RHEB: variants seen among roughly 807,000 people sequenced by gnomAD.
The protein encoded by RHEB is GTP-binding protein Rheb.
RHEB carries 2 observed loss-of-function variants against 28.8 expected under a neutral mutation model. That is an observed-to-expected ratio of 0.07 (90% CI 0.03 to 0.22). RHEB has a LOEUF of 0.22. Ranked by LOEUF, RHEB falls within the 10% of genes least tolerant of loss-of-function variation. RHEB has a pLI of 1.00. For synonymous variants in RHEB, 69 were observed against 77.3 expected, an observed-to-expected ratio of 0.89 and a Z score of 0.56; for missense variants, 76 against 219.9, an observed-to-expected ratio of 0.35 and a Z score of 4.14.
At chr7:151,469,393 T>C (rs1448421367) in intron 7 of RHEB, among the ~76,000 whole-genome samples, 1 of 152,178 alleles carries the variant, frequency 6.6e-6, no homozygotes, top group Non-Finnish European at 1.5e-5. Flanking sequence ...TTCAGCTGGA[T>C]GGATCCAGAG....
intron 4 of RHEB, among the ~76,000 whole-genome samples, chr7:151,475,304 T>G (rs1802253459): frequency 6.6e-6 from 1 of 152,156 alleles, no homozygotes. Flanking sequence ...ACTAAGAAAA[T>G]TTTCTACCTA....
chr7:151,504,758 G>A (rs1802836576), intron 1 of RHEB, among the ~76,000 whole-genome samples: 1 of 152,062 alleles, frequency 6.6e-6, no homozygotes, highest in Non-Finnish European at 1.5e-5. Context: ...AGGGGTAGGG[G>A]GCTAACTAGA....
rs979986008 is a variant in RHEB, at chr7:151,519,606, G to A, written c.-95C>T. 11 of 1,258,402 alleles carry A rather than the reference G, an allele frequency of 8.7e-6. No homozygotes were observed. Among genetic ancestry groups the A allele is most frequent in the Non-Finnish European group, 1.2e-5 (11 of 934,512 alleles). The allele number at this position is 1,258,402 out of a possible 1,614,324, so 78.0% of individuals were successfully genotyped here. The stretch of plus-strand genomic sequence containing the variant: ...GGCGGCGGCCGCGCCGGGAGAGAGC[G>A]GCATACAGAGCAGGGGCGGCGGCGG... On this transcript the variant is annotated 5_prime_UTR_variant, in exon 1 of 8. Coordinates refer to ENST00000262187, the MANE Select transcript of RHEB (RefSeq NM_005614.4).
At chr7:151,505,739 G>C (rs943655717) in intron 1 of RHEB, among the ~76,000 whole-genome samples, 4 of 152,010 alleles carry the variant, frequency 2.6e-5, no homozygotes, top group African/African-American at 9.7e-5. Context: ...TTAAATACTG[G>C]GATAACCCAA....
At chr7:151,495,933 GTCCCCCC>G (rs1802664818) in intron 1 of RHEB, among the ~76,000 whole-genome samples, 2 of 152,156 alleles carry the variant, frequency 1.3e-5, no homozygotes, top group Admixed American at 6.5e-5. Flanking sequence ...GCCACGGTCT[GTCCCCCC>G]TCCCACCGAC....
chr7:151,476,724 A>G (rs1802278407), intron 4 of RHEB, among the ~76,000 whole-genome samples: 1 of 152,194 alleles, frequency 6.6e-6, no homozygotes, highest in Admixed American at 6.5e-5. Flanking sequence ...CTTCAAACAT[A>G]AGCTGTCACC....
chr7:151,491,572 C>A (rs1393144775), intron 1 of RHEB, among the ~76,000 whole-genome samples: 1 of 151,994 alleles, frequency 6.6e-6, no homozygotes, highest in Admixed American at 6.6e-5. Context: ...CCCGTCTCTA[C>A]TAAAATTAAC....
chr7:151,508,490 T>A (rs1802926768), intron 1 of RHEB, among the ~76,000 whole-genome samples: 1 of 152,210 alleles, frequency 6.6e-6, no homozygotes, highest in South Asian at 2.1e-4. Context: ...GTATGACAAA[T>A]GTACAAATAT....
At chr7:151,510,482 A>G (rs1802962380) in intron 1 of RHEB, among the ~76,000 whole-genome samples, 1 of 152,230 alleles carries the variant, frequency 6.6e-6, no homozygotes. Flanking sequence ...ATGTGCATTA[A>G]GATTGTACCC....
At chr7:151,507,786 G>A (rs1802914072) in intron 1 of RHEB, among the ~76,000 whole-genome samples, 2 of 151,996 alleles carry the variant, frequency 1.3e-5, no homozygotes, top group South Asian at 4.1e-4. Context: ...AATACTTATA[G>A]GTAACCCTAT....
chr7:151,514,537 G>A (rs1279148496), intron 1 of RHEB, among the ~76,000 whole-genome samples: 1 of 152,160 alleles, frequency 6.6e-6, no homozygotes, highest in Admixed American at 6.5e-5. Flanking sequence ...CGAGAATGTG[G>A]AGAAAATTAA....
At chr7:151,516,359 T>C (rs955376962) in intron 1 of RHEB, among the ~76,000 whole-genome samples, 1 of 151,880 alleles carries the variant, frequency 6.6e-6, no homozygotes, top group Non-Finnish European at 1.5e-5. Context: ...GTGCAGTGAC[T>C]CATGCCTGTA....
chr7:151,502,891 G>A (rs991597101), intron 1 of RHEB: 15 of 837,350 alleles, frequency 1.8e-5, no homozygotes, highest in Non-Finnish European at 2.3e-5. Context: ...TTGATCAGAG[G>A]TTACAATCGA....
chr7:151,482,066 A>G (rs1204320362), intron 3 of RHEB, among the ~76,000 whole-genome samples: 1 of 152,230 alleles, frequency 6.6e-6, no homozygotes, highest in East Asian at 1.9e-4. Flanking sequence ...TATTAAGAAC[A>G]TGTGCACTTC....
intron 3 of RHEB, among the ~76,000 whole-genome samples, chr7:151,484,053 C>T (rs1169041419): frequency 6.6e-6 from 1 of 152,134 alleles, no homozygotes; most frequent in Non-Finnish European, 1.5e-5. Flanking sequence ...TAATCACTCT[C>T]AAATCCACCC....
rs1223888931 is a variant in RHEB at position 151,466,122 on chromosome 7, G to C, written c.*997C>G. ...AAAAGGGAATCGTTTAAAAAGCACTGCTCAACTCCAAGTTTGACTTACAGA... is the reference window on the plus strand; with the variant it reads ...AAAAGGGAATCGTTTAAAAAGCACTCCTCAACTCCAAGTTTGACTTACAGA... On this transcript the variant is annotated 3_prime_UTR_variant, in exon 8 of 8. Transcript: ENST00000262187. The C allele has an allele frequency of 6.6e-6, 1 of 152,182 alleles. No individual in the cohort carries two copies. Among genetic ancestry groups the C allele is most frequent in the Non-Finnish European group, 1.5e-5 (1 of 68,030 alleles). 9.4% of individuals were successfully genotyped at this position (152,182 alleles called of 1,614,324 possible). A position where few individuals can be genotyped will look rare whatever the true frequency, so the allele number is the denominator to read the frequency against.
intron 1 of RHEB, among the ~76,000 whole-genome samples, chr7:151,508,529 C>T (rs1416859200): frequency 6.6e-6 from 1 of 152,114 alleles, no homozygotes; most frequent in Non-Finnish European, 1.5e-5. Context: ...GTTGAAATAA[C>T]ATTTTGGACA....
intron 2 of RHEB, among the ~76,000 whole-genome samples, chr7:151,488,520 T>C (rs912883066): frequency 3.8e-4 from 58 of 152,358 alleles, no homozygotes; most frequent in African/African-American, 1.2e-3. Flanking sequence ...TTCTAATTCA[T>C]TGTTATCACT....
At chr7:151,519,003 T>C (rs1803132003) in intron 1 of RHEB, 1 of 152,280 alleles carries the variant, frequency 6.6e-6, no homozygotes, top group African/African-American at 2.4e-5. Flanking sequence ...CTTCCTTTGT[T>C]AAAATCCCAC....
Sources: allele counts gnomAD v4.1 joint callset (sites outside exome capture counted in the v4.1 genomes callset), GRCh38; gene constraint gnomAD v4.1.1; transcripts MANE v1.5; gene names NCBI Gene and HGNC (gene_info 2026-07-23, HGNC 2026-07-21).